SMOC1: variants seen among roughly 807,000 people sequenced by gnomAD.
The protein encoded by SMOC1 is SPARC-related modular calcium-binding protein 1.
In SMOC1, 22 loss-of-function variants were observed where a neutral mutation model predicts 56.3. The ratio of observed to expected loss-of-function variants is 0.39; its 90% CI spans 0.28 to 0.56. SMOC1 has a LOEUF of 0.56. Ranked by LOEUF, SMOC1 falls within the 20% of genes least tolerant of loss-of-function variation. The pLI, the probability that SMOC1 is intolerant of heterozygous loss-of-function variation, is 0.61. For synonymous variants in SMOC1, 193 were observed against 215.0 expected (o/e 0.90, Z 0.89); for missense variants, 509 against 565.4 (o/e 0.90, Z 1.01).
At position 69,909,765 on chromosome 14, in the gene SMOC1, C is replaced by G. The variant is rs183663916; in HGVS notation, c.99+29988C>G. Among the ~76,000 whole-genome samples, 11 of 152,262 alleles carry G rather than the reference C, an allele frequency of 7.2e-5. No individual in the cohort carries two copies. In the East Asian group the frequency reaches 2.1e-3, roughly 29 times the overall value. ...GAAGCAATGAAAACACTTAAAAAAT[C>G]TGTATTCTCATGGATATTGGCCATT... On this transcript the variant is annotated intron_variant, in intron 1 of 11. Transcript: ENST00000361956.
intron 3 of SMOC1, among the ~76,000 whole-genome samples, chr14:69,963,385 A>T (rs181095505): frequency 1.3e-5 from 2 of 152,294 alleles, no homozygotes; most frequent in Admixed American, 1.3e-4. Flanking sequence ...ATCACCAAAG[A>T]TGAGCATTGT....
chr14:69,975,385 G>A (rs543577136), intron 3 of SMOC1, among the ~76,000 whole-genome samples: 1 of 152,250 alleles, frequency 6.6e-6, no homozygotes, highest in African/African-American at 2.4e-5. Flanking sequence ...GGATGGGAGC[G>A]TATGCCAGTG....
At chr14:69,932,533 C>T (rs1216057048) in intron 1 of SMOC1, among the ~76,000 whole-genome samples, 1 of 152,162 alleles carries the variant, frequency 6.6e-6, no homozygotes, top group Non-Finnish European at 1.5e-5. Flanking sequence ...CTTTCGGTGC[C>T]ATTTGGGCTT....
At chr14:69,987,725 G>A (rs1042318548) in intron 5 of SMOC1, among the ~76,000 whole-genome samples, 3 of 152,176 alleles carry the variant, frequency 2.0e-5, no homozygotes, top group Non-Finnish European at 4.4e-5. Context: ...CCTCGCCAGC[G>A]AATGTCAATC....
intron 1 of SMOC1, among the ~76,000 whole-genome samples, chr14:69,914,424 A>G (rs1884630977): frequency 6.6e-6 from 1 of 152,182 alleles, no homozygotes; most frequent in African/African-American, 2.4e-5. Flanking sequence ...TTGTGCACCC[A>G]TTTCCCCACA....
chr14:69,925,297 G>A (rs1419483064), intron 1 of SMOC1, among the ~76,000 whole-genome samples: 1 of 151,566 alleles, frequency 6.6e-6, no homozygotes, highest in Non-Finnish European at 1.5e-5. Context: ...GGGGAGGTAG[G>A]GGAGGTAAGA....
In SMOC1 at chr14:69,879,785, C is replaced by A. The variant is rs1198369049; in HGVS notation, c.99+8C>A. On this transcript the variant is annotated splice_region_variant and intron_variant, in intron 1 of 11. Transcript: ENST00000361956. ...CGCACCACAGGCCCCAGGGTAAGTG[C>A]GCCCCCAGCTTTGCGCCCACCTGCG... 1.3e-6 allele frequency: 2 copies of A among 1,580,832 alleles called. No homozygotes were observed. The highest frequency in any genetic ancestry group is 2.3e-5 in the East Asian group (1 of 43,366).
intron 1 of SMOC1, among the ~76,000 whole-genome samples, chr14:69,924,657 G>A: frequency 6.7e-6 from 1 of 149,706 alleles, no homozygotes; most frequent in African/African-American, 2.5e-5. Context: ...AGGTAGGGGA[G>A]GTAGGGGAGC....
At chr14:69,953,553 CTT>C (rs1480976344) in intron 3 of SMOC1, 21 bp downstream of exon 3, 1 of 1,601,048 alleles carries the variant, frequency 6.2e-7, no homozygotes, top group Non-Finnish European at 8.6e-7. Flanking sequence ...GGACAATCCT[CTT>C]GGGCTCTTTC....
chr14:69,898,924 TGTG>T (rs1313737610), intron 1 of SMOC1, among the ~76,000 whole-genome samples: 1 of 152,038 alleles, frequency 6.6e-6, no homozygotes, highest in Non-Finnish European at 1.5e-5. Flanking sequence ...CCTTTAGTGA[TGTG>T]GTGGTAAGAT....
intron 5 of SMOC1, among the ~76,000 whole-genome samples, chr14:69,978,371 C>T (rs1433434942): frequency 6.6e-6 from 1 of 152,182 alleles, no homozygotes; most frequent in East Asian, 1.9e-4. Context: ...ATTTTTCCCC[C>T]CTCGCTGATG....
intron 1 of SMOC1, among the ~76,000 whole-genome samples, chr14:69,908,739 G>A (rs1307980039): frequency 6.6e-6 from 1 of 152,144 alleles, no homozygotes; most frequent in African/African-American, 2.4e-5. Context: ...GGCTGGATGA[G>A]GAGATCATTC....
At chr14:69,894,187 G>A (rs1884036635) in intron 1 of SMOC1, among the ~76,000 whole-genome samples, 1 of 152,216 alleles carries the variant, frequency 6.6e-6, no homozygotes, top group South Asian at 2.1e-4. Flanking sequence ...CAAATATACA[G>A]TGTCTTTATG....
intron 7 of SMOC1, among the ~76,000 whole-genome samples, chr14:70,002,739 A>G (rs1227881847): frequency 6.6e-6 from 1 of 152,232 alleles, no homozygotes; most frequent in Admixed American, 6.5e-5. Context: ...GAAAAAGTGC[A>G]AAGTCCACAA....
chr14:69,935,187 A>G (rs977245633), intron 1 of SMOC1, among the ~76,000 whole-genome samples: 9 of 152,182 alleles, frequency 5.9e-5, no homozygotes, highest in African/African-American at 2.2e-4. Flanking sequence ...TTTCTGGTGG[A>G]GACAGGGACC....
intron 1 of SMOC1, 39 bp downstream of exon 1, chr14:69,879,816 AG>A: frequency 6.6e-7 from 1 of 1,525,610 alleles, no homozygotes; most frequent in Non-Finnish European, 8.8e-7. Flanking sequence ...CTGCGGAGGG[AG>A]GGGAGGTTGC....
At chr14:69,944,448 G>T (rs187452214) in intron 1 of SMOC1, among the ~76,000 whole-genome samples, 1 of 152,338 alleles carries the variant, frequency 6.6e-6, no homozygotes, top group Non-Finnish European at 1.5e-5. Context: ...TGTATGGATT[G>T]TTCTCCTTCC....
At chr14:69,885,750 TC>T (rs2139289881) in intron 1 of SMOC1, 1 of 1,491,696 alleles carries the variant, frequency 6.7e-7, no homozygotes, top group East Asian at 2.3e-5. Context: ...GGTGGTCTCT[TC>T]TTCGGGACGT....
chr14:69,906,232 G>T (rs1027525332), intron 1 of SMOC1, among the ~76,000 whole-genome samples: 5 of 152,202 alleles, frequency 3.3e-5, no homozygotes, highest in African/African-American at 1.2e-4. Flanking sequence ...TGACTCCACT[G>T]GAGGTGCTGC....
Sources: allele counts gnomAD v4.1 joint callset (sites outside exome capture counted in the v4.1 genomes callset), GRCh38; gene constraint gnomAD v4.1.1; transcripts MANE v1.5; gene names NCBI Gene and HGNC (gene_info 2026-07-23, HGNC 2026-07-21).